CEP128: variants seen among roughly 807,000 people sequenced by gnomAD.
CEP128 encodes the protein centrosomal protein 128, also known as centrosomal protein 128kDa.
In CEP128, 132 loss-of-function variants were observed where a neutral mutation model predicts 156.7. The observed-to-expected ratio is 0.84, with a 90% CI of 0.73 to 0.97. CEP128 has a LOEUF of 0.97. Ranked by LOEUF, CEP128 falls within the 50% of genes least tolerant of loss-of-function variation. The pLI is 0.00. For missense variants in CEP128, 1,252 were observed against 1,281.9 expected, an observed-to-expected ratio of 0.98 and a Z score of 0.36; for synonymous variants, 469 against 448.9, an observed-to-expected ratio of 1.04 and a Z score of -0.57.
chr14:80,903,246 C>A (rs992845474), intron 6 of CEP128, among the ~76,000 whole-genome samples: 5 of 152,082 alleles, frequency 3.3e-5, no homozygotes, highest in African/African-American at 1.2e-4. Context: ...GCCAAGAACA[C>A]ACAATGGGGA....
chr14:80,777,127 A>C (rs951910465), intron 16 of CEP128, among the ~76,000 whole-genome samples: 1 of 152,210 alleles, frequency 6.6e-6, no homozygotes, highest in Non-Finnish European at 1.5e-5. Flanking sequence ...AAAGGGAGCA[A>C]TAAAACCTAA....
intron 2 of CEP128, among the ~76,000 whole-genome samples, chr14:80,956,392 G>A (rs2139672310): frequency 6.6e-6 from 1 of 152,272 alleles, no homozygotes. Context: ...ACTCAAATGT[G>A]AACTGCCAGT....
intron 19 of CEP128, among the ~76,000 whole-genome samples, chr14:80,695,457 T>C (rs1206780660): frequency 6.6e-6 from 1 of 151,686 alleles, no homozygotes; most frequent in East Asian, 1.9e-4. Flanking sequence ...GGCTCATGCC[T>C]GTAATCCCAG....
intron 19 of CEP128, among the ~76,000 whole-genome samples, chr14:80,657,743 T>C (rs1895236071): frequency 6.6e-6 from 1 of 152,114 alleles, no homozygotes; most frequent in Admixed American, 6.6e-5. Context: ...CCATTAATAC[T>C]AGAGAACAAA....
chr14:80,627,656 G>A (rs535832856), intron 19 of CEP128, among the ~76,000 whole-genome samples: 1 of 151,882 alleles, frequency 6.6e-6, no homozygotes, highest in South Asian at 2.1e-4. Flanking sequence ...TCACAGGCAG[G>A]TTTGGAAGAA....
chr14:80,703,139 T>C (rs1897130001), intron 19 of CEP128, among the ~76,000 whole-genome samples: 1 of 152,076 alleles, frequency 6.6e-6, no homozygotes, highest in Non-Finnish European at 1.5e-5. Flanking sequence ...GCAAAATCAA[T>C]CACTCTTGTG....
At chr14:80,569,383 G>GTC (rs1230660448) in intron 20 of CEP128, among the ~76,000 whole-genome samples, 1 of 152,174 alleles carries the variant, frequency 6.6e-6, no homozygotes, top group Non-Finnish European at 1.5e-5. Flanking sequence ...ATCCCTGGAA[G>GTC]TAAGTGATCT....
rs2139664638 is a variant in CEP128, at chr14:80,756,878, T to C, written c.2613+14A>G. 6.5e-7 allele frequency: 1 copy of C among 1,528,516 alleles called. No homozygotes were observed. Among genetic ancestry groups the C allele is most frequent in the Non-Finnish European group, 9.0e-7 (1 of 1,106,002 alleles). 94.7% of individuals were successfully genotyped at this position (1,528,516 alleles called of 1,614,324 possible). ...TAAATATTACAATAACTTTAGGATT[T>C]AAAGATTAATTACCTTGCTTTCTGC... is the stretch of plus-strand genomic sequence containing the variant. On this transcript the variant is annotated intron_variant, in intron 18 of 24. Coordinates refer to ENST00000555265, the MANE Select transcript of CEP128 (RefSeq NM_152446.5).
At chr14:80,527,161 G>A in intron 22 of CEP128, 179 bp from the exon 23 acceptor site, 4 of 560,274 alleles carry the variant, frequency 7.1e-6, no homozygotes. Context: ...ACACACAGTG[G>A]CTCAAACCTG....
chr14:80,821,614 C>T (rs1281418086), intron 13 of CEP128, among the ~76,000 whole-genome samples: 21 of 65,814 alleles, frequency 3.2e-4, no homozygotes, highest in African/African-American at 6.8e-4. Flanking sequence ...CACACACACA[C>T]ACACACACAC....
chr14:80,591,240 G>A (rs777388555), intron 19 of CEP128, among the ~76,000 whole-genome samples: 19 of 151,858 alleles, frequency 1.3e-4, no homozygotes, highest in Middle Eastern at 3.4e-3. Context: ...AAGACCCATC[G>A]GTGTGCTGTA....
intron 19 of CEP128, among the ~76,000 whole-genome samples, chr14:80,598,797 A>G (rs1892452518): frequency 6.6e-6 from 1 of 152,186 alleles, no homozygotes; most frequent in South Asian, 2.1e-4. Context: ...CAGAATAGAA[A>G]AGTAATTGAA....
At chr14:80,766,686 T>C (rs1900255977) in intron 16 of CEP128, among the ~76,000 whole-genome samples, 1 of 152,164 alleles carries the variant, frequency 6.6e-6, no homozygotes, top group Non-Finnish European at 1.5e-5. Flanking sequence ...TAAAGTACAC[T>C]GACATGACTA....
At chr14:80,746,386 C>G (rs1268985638) in intron 18 of CEP128, among the ~76,000 whole-genome samples, 2 of 152,128 alleles carry the variant, frequency 1.3e-5, no homozygotes, top group Non-Finnish European at 2.9e-5. Context: ...GGCATAAGGA[C>G]AGATATACAG....
intron 2 of CEP128, among the ~76,000 whole-genome samples, 168 bp from the exon 3 acceptor site, chr14:80,916,730 A>G (rs1884586456): frequency 6.6e-6 from 1 of 152,182 alleles, no homozygotes; most frequent in Non-Finnish European, 1.5e-5. Flanking sequence ...TCACTTCCCC[A>G]TGTAATTCTC....
intron 23 of CEP128, among the ~76,000 whole-genome samples, chr14:80,514,829 C>T (rs562464322): frequency 7.2e-5 from 11 of 152,138 alleles, no homozygotes; most frequent in African/African-American, 2.4e-4. Flanking sequence ...ATTGTAGTCT[C>T]GGCAGTCTAG....
chr14:80,813,647 T>C (rs1175188387), intron 13 of CEP128, among the ~76,000 whole-genome samples: 1 of 152,192 alleles, frequency 6.6e-6, no homozygotes, highest in African/African-American at 2.4e-5. Context: ...AATTTGTAAT[T>C]TTAAAACTTT....
rs146045887 is a variant in CEP128, at chr14:80,697,090, C to T, written c.2806+45985G>A. 1.7e-3 allele frequency among the ~76,000 whole-genome samples: 253 copies of T among 152,126 alleles called. 2 individuals are homozygous for T. Among genetic ancestry groups the T allele is most frequent in the African/African-American group, 5.5e-3 (230 of 41,520 alleles). On this transcript the variant is annotated intron_variant, in intron 19 of 24. Coordinates refer to ENST00000555265, the MANE Select transcript of CEP128 (RefSeq NM_152446.5). ...CTGGATTCAACCTACAGCCTTACTC[C>T]TTGATATTAGCAGTTTCTTTGAACT...
At chr14:80,904,968 C>T in intron 5 of CEP128, 37 bp from the exon 6 acceptor site, 1 of 1,162,840 alleles carries the variant, frequency 8.6e-7, no homozygotes, top group Non-Finnish European at 1.3e-6. Context: ...TATTAAAATA[C>T]TGCATGAGAA....
Sources: gnomAD v4.1 joint callset for allele counts (sites outside exome capture counted in the v4.1 genomes callset) on GRCh38, gnomAD v4.1.1 for gene constraint, MANE v1.5 for transcripts, NCBI Gene and HGNC (gene_info 2026-07-23, HGNC 2026-07-21) for gene names.